TIAL1: variants seen among roughly 807,000 people sequenced by gnomAD.
The protein encoded by TIAL1 is nucleolysin TIAR.
TIAL1 carries 7 observed loss-of-function variants against 59.7 expected under a neutral mutation model. The ratio of observed to expected loss-of-function variants is 0.12; its 90% CI spans 0.07 to 0.22. TIAL1 has a LOEUF of 0.22. Among genes scored for constraint, TIAL1 ranks in the 10% least tolerant of loss-of-function variants. The probability of loss-of-function intolerance (pLI) is 1.00; values close to 1 mark genes in which losing one functional copy is unlikely to be tolerated. For missense variants in TIAL1, 225 were observed against 462.5 expected (o/e 0.49, Z 4.71); for synonymous variants, 149 against 146.3 (o/e 1.02, Z -0.13).
Position 119,575,306 on chromosome 10 carries a change from AAC to A in TIAL1, c.*357_*358del, listed in dbSNP as rs1844930841. The A allele has an allele frequency of 1.1e-5, 2 of 181,628 alleles. No individual in the cohort carries two copies. Among genetic ancestry groups the A allele is most frequent in the Admixed American group, 5.8e-5 (1 of 17,286 alleles). 11.3% of individuals were successfully genotyped at this position (181,628 alleles called of 1,614,324 possible). On this transcript the variant is annotated 3_prime_UTR_variant, in exon 12 of 12. Coordinates refer to ENST00000436547, the MANE Select transcript of TIAL1 (RefSeq NM_003252.4). Reference sequence around the variant, plus strand: ...ATCCTCCCTTTTTTGCTCTTTTAAAAACACAGTGAGTTAAAATACTGAACAGC... The same window carrying A: ...ATCCTCCCTTTTTTGCTCTTTTAAAAACAGTGAGTTAAAATACTGAACAGC...
At chr10:119,591,596 C>T (rs924703381) in intron 1 of TIAL1, among the ~76,000 whole-genome samples, 3 of 152,060 alleles carry the variant, frequency 2.0e-5, no homozygotes, top group East Asian at 1.9e-4. Context: ...TTAAGGTTTC[C>T]TATTTTTCAA....
intron 7 of TIAL1, 132 bp downstream of exon 7, chr10:119,578,594 G>A (rs187927133): frequency 9.5e-5 from 72 of 756,888 alleles, no homozygotes; most frequent in African/African-American, 4.3e-4. Flanking sequence ...TCATGCCACC[G>A]CACTCCAGCC....
intron 5 of TIAL1, chr10:119,581,685 A>AT (rs961319236): frequency 2.6e-5 from 9 of 343,132 alleles, no homozygotes; most frequent in East Asian, 4.7e-5. Context: ...AATCACTTAA[A>AT]TTTTTTTTAA....
At position 119,576,640 on chromosome 10, in the gene TIAL1, T is replaced by C; in HGVS notation, c.972A>G (p.Gln324=). 1 of 1,614,144 alleles carries C rather than the reference T, an allele frequency of 6.2e-7. No homozygotes were observed. The highest frequency in any genetic ancestry group is 8.5e-7 in the Non-Finnish European group (1 of 1,179,998). The change falls in exon 11 of 12, where the codon CAA becomes CAG. Residue 324 remains glutamine, a synonymous_variant. Coordinates refer to ENST00000436547, the MANE Select transcript of TIAL1 (RefSeq NM_003252.4). ...CTCCAAATCCTTGTTGATTCCATGG[T>C]TGCCCGTATACTCCATAAGGCGGTA... The part of the protein sequence containing the change: ...WQVPPYGVYG[Q]PWNQQGFGVD...
rs542273737 is a variant in TIAL1, at chr10:119,596,602, C to A, written c.-137G>T. On this transcript the variant is annotated 5_prime_UTR_variant, in exon 1 of 12. Coordinates refer to ENST00000436547, the MANE Select transcript of TIAL1 (RefSeq NM_003252.4). ...AGGCACCGAACCCTGCTCTCGGGCT[C>A]TCTCCCCCCAGCCCGCTCCGGACAC... The A allele has an allele frequency of 2.9e-6, 2 of 688,662 alleles. No homozygotes were observed. The highest frequency in any genetic ancestry group is 4.9e-6 in the Non-Finnish European group (2 of 411,364). 42.7% of individuals were successfully genotyped at this position (688,662 alleles called of 1,614,324 possible).
At chr10:119,591,459 A>G (rs1284160245) in intron 1 of TIAL1, among the ~76,000 whole-genome samples, 1 of 152,180 alleles carries the variant, frequency 6.6e-6, no homozygotes, top group Non-Finnish European at 1.5e-5. Flanking sequence ...CGCCAGTTAC[A>G]GATCTTGAAG....
At chr10:119,577,827 A>G (rs1845081027) in intron 7 of TIAL1, 91 bp from the exon 8 acceptor site, 1 of 1,167,146 alleles carries the variant, frequency 8.6e-7, no homozygotes, top group Non-Finnish European at 1.2e-6. Flanking sequence ...GATATGCCTC[A>G]GGCCGGGCAC....
In TIAL1 at chr10:119,595,655, A is replaced by C. The variant is rs188591570; in HGVS notation, c.32+779T>G. On this transcript the variant is annotated intron_variant, in intron 1 of 11. Coordinates refer to ENST00000436547, the MANE Select transcript of TIAL1 (RefSeq NM_003252.4). ...ACATCAAATAGCGGATGAAGACATA[A>C]TTTTAGCCAACTCTGAAGCTTTCGA... Among the ~76,000 whole-genome samples the C allele has an allele frequency of 2.2e-3, 337 of 152,296 alleles. 2 individuals are homozygous for C. Among genetic ancestry groups the C allele is most frequent in the Middle Eastern group, 0.014 (4 of 294 alleles).
intron 11 of TIAL1, 147 bp downstream of exon 11, chr10:119,576,464 A>C (rs1302869752): frequency 9.0e-7 from 1 of 1,114,432 alleles, no homozygotes; most frequent in Admixed American, 2.6e-5. Flanking sequence ...CTCATAAATC[A>C]TATTTTGTTA....
intron 1 of TIAL1, among the ~76,000 whole-genome samples, chr10:119,595,798 G>T (rs961539077): frequency 1.3e-5 from 2 of 152,238 alleles, no homozygotes; most frequent in African/African-American, 4.8e-5. Context: ...AGGGAAAGAT[G>T]CTCGGGCAGC....
In TIAL1 at chr10:119,574,027, C is replaced by T. The variant is rs1341823557; in HGVS notation, c.*1638G>A. 1 of 152,586 alleles carries T rather than the reference C, an allele frequency of 6.6e-6. No individual in the cohort carries two copies. Among genetic ancestry groups the T allele is most frequent in the Non-Finnish European group, 1.5e-5 (1 of 68,038 alleles). The allele number at this position is 152,586 out of a possible 1,614,324, so 9.5% of individuals were successfully genotyped here. ...AAAACAGTAATTTGTGGGTACTAATCGCATCTTACTATGTAACTGTAAAAG... is the reference window on the plus strand; with the variant it reads ...AAAACAGTAATTTGTGGGTACTAATTGCATCTTACTATGTAACTGTAAAAG... On this transcript the variant is annotated 3_prime_UTR_variant, in exon 12 of 12. Transcript: ENST00000436547.
intron 11 of TIAL1, among the ~76,000 whole-genome samples, chr10:119,576,337 A>G (rs764032407): frequency 4.6e-5 from 7 of 152,206 alleles, no homozygotes; most frequent in African/African-American, 1.4e-4. Context: ...AAAATAAATA[A>G]AAGTGTATCA....
rs751787126 is a variant in TIAL1, at chr10:119,577,007, T to C, written c.861+73A>G. 4.4e-4 allele frequency: 681 copies of C among 1,558,846 alleles called. 1 individual carries two copies. The highest frequency in any genetic ancestry group is 6.8e-4 in the Middle Eastern group (4 of 5,908). On this transcript the variant is annotated intron_variant, in intron 10 of 11. Transcript: ENST00000436547. ...ATATGCTTTATTTTATTGTTCATTTTACAGAGTTTCCAAAGCTTTTATGTG... is the reference window on the plus strand; with the variant it reads ...ATATGCTTTATTTTATTGTTCATTTCACAGAGTTTCCAAAGCTTTTATGTG...
chr10:119,575,421 T>C lies in TIAL1; in HGVS notation c.*244A>G. ...AAATTTGTAGTCAGAATTGTCTTTA[T>C]TGACTTTATTTTAGTTTTTGTACAT... On this transcript the variant is annotated 3_prime_UTR_variant, in exon 12 of 12. Coordinates refer to ENST00000436547, the MANE Select transcript of TIAL1 (RefSeq NM_003252.4). 5.6e-6 allele frequency: 2 copies of C among 356,564 alleles called. No individual in the cohort carries two copies. Among genetic ancestry groups the C allele is most frequent in the Non-Finnish European group, 1.0e-5 (2 of 197,792 alleles). 22.1% of individuals were successfully genotyped at this position (356,564 alleles called of 1,614,324 possible). A position where few individuals can be genotyped will look rare whatever the true frequency, so the allele number is the denominator to read the frequency against.
intron 1 of TIAL1, among the ~76,000 whole-genome samples, chr10:119,595,220 T>C (rs1452263270): frequency 6.6e-6 from 1 of 152,144 alleles, no homozygotes; most frequent in Non-Finnish European, 1.5e-5. Context: ...CTAGTCAAAC[T>C]TCTCGAGTGC....
At chr10:119,590,218 C>T (rs755812284) in intron 1 of TIAL1, among the ~76,000 whole-genome samples, 18 of 152,214 alleles carry the variant, frequency 1.2e-4, no homozygotes, top group Non-Finnish European at 2.5e-4. Context: ...TTTACGTCCA[C>T]TATGCCACCT....
At chr10:119,578,653 G>A (rs1206875396) in intron 7 of TIAL1, 73 bp downstream of exon 7, 1 of 1,275,054 alleles carries the variant, frequency 7.8e-7, no homozygotes, top group Non-Finnish European at 1.1e-6. Context: ...ATTAGAAATT[G>A]AGACTAGATG....
chr10:119,588,521 CT>C (rs1845688152), intron 1 of TIAL1, among the ~76,000 whole-genome samples: 1 of 151,894 alleles, frequency 6.6e-6, no homozygotes, highest in African/African-American at 2.4e-5. Context: ...TTTTTGTATT[CT>C]TAGTAGAGAC....
chr10:119,596,201 G>A (rs1303016539), intron 1 of TIAL1, among the ~76,000 whole-genome samples: 1 of 152,198 alleles, frequency 6.6e-6, no homozygotes, highest in African/African-American at 2.4e-5. Flanking sequence ...AAGGACGCCA[G>A]AGAAAAAGGT....
Sources: allele counts gnomAD v4.1 joint callset (sites outside exome capture counted in the v4.1 genomes callset), GRCh38; gene constraint gnomAD v4.1.1; transcripts MANE v1.5; gene names NCBI Gene and HGNC (gene_info 2026-07-23, HGNC 2026-07-21).